Variants in LRRN4 observed in about 807,000 individuals in gnomAD.
LRRN4 encodes the protein leucine rich repeat neuronal 4.
LRRN4 carries 26 observed loss-of-function variants against 22.3 expected under a neutral mutation model. The ratio of observed to expected loss-of-function variants is 1.16; its 90% CI spans 0.85 to 1.62. LRRN4 has a LOEUF of 1.62. LRRN4 is among the 40% of genes most tolerant of loss of function. LRRN4 has a pLI of 0.00. For synonymous variants in LRRN4, 496 were observed against 486.2 expected, an observed-to-expected ratio of 1.02 and a Z score of -0.26; for missense variants, 1,070 against 1,008.5, an observed-to-expected ratio of 1.06 and a Z score of -0.83.
At chr20:6,042,425 G>T (rs1252850654) in intron 4 of LRRN4, among the ~76,000 whole-genome samples, 179 bp from the exon 5 acceptor site, 4 of 152,128 alleles carry the variant, frequency 2.6e-5, no homozygotes, top group Non-Finnish European at 4.4e-5. Context: ...GGAAACCTTT[G>T]GAGGAAGCTC....
At chr20:6,051,591 G>A (rs1261703276) in intron 2 of LRRN4, among the ~76,000 whole-genome samples, 1 of 152,126 alleles carries the variant, frequency 6.6e-6, no homozygotes, top group Non-Finnish European at 1.5e-5. Context: ...ACAGGAGACC[G>A]GTTATCCTCA....
At chr20:6,045,304 G>C (rs898774642) in intron 3 of LRRN4, among the ~76,000 whole-genome samples, 2 of 148,252 alleles carry the variant, frequency 1.3e-5, no homozygotes, top group Non-Finnish European at 3.0e-5. Context: ...CCGGGCGGTA[G>C]TGGTGCACCT....
At chr20:6,042,507 T>G (rs919224528) in intron 4 of LRRN4, among the ~76,000 whole-genome samples, 1 of 152,052 alleles carries the variant, frequency 6.6e-6, no homozygotes, top group Non-Finnish European at 1.5e-5. Context: ...CAAGACACCA[T>G]AGCTAGCAAT....
intron 3 of LRRN4, among the ~76,000 whole-genome samples, chr20:6,046,288 A>T (rs1243464442): frequency 6.7e-6 from 1 of 148,702 alleles, no homozygotes; most frequent in East Asian, 2.0e-4. Flanking sequence ...TGGGGAGCAG[A>T]ACTAGGCCTT....
In LRRN4 at chr20:6,041,669, C is replaced by T; in HGVS notation, c.1576G>A (p.Asp526Asn). 1.9e-6 allele frequency: 3 copies of T among 1,611,760 alleles called. No homozygotes were observed. The highest frequency in any genetic ancestry group is 1.1e-5 in the South Asian group (1 of 90,636). ...CTCCCTTCCTCCTCCTCACTGTAGTCGTCCAGCAGCAAGACTGGAATCTCG... is the reference window on the plus strand; with the variant it reads ...CTCCCTTCCTCCTCCTCACTGTAGTTGTCCAGCAGCAAGACTGGAATCTCG... ...EGEIPVLLLD[D>N]YSEEEEGRKE... The change falls in exon 5 of 5, where the codon GAC becomes AAC. Residue 526 changes from aspartate to asparagine, a missense_variant. Physicochemically the swap from Asp to Asn is conservative, Grantham distance 23. Transcript: ENST00000378858. The surrounding 1 kb of genome is among the most constrained non-coding windows in gnomAD (Gnocchi z 9.4).
rs765048126 is a variant in LRRN4 at position 6,041,540 on chromosome 20, G to A, written c.1705C>T (p.Arg569Trp). ...TCTTCCCCGCTGAGGCCGGGGCACCGGCACCGCCACCGCCTCTGCAGCTCC... is the reference window on the plus strand; with the variant it reads ...TCTTCCCCGCTGAGGCCGGGGCACCAGCACCGCCACCGCCTCTGCAGCTCC... ...CAELQRRWRCRCPGLSGEDTI... is the reference protein window; with the variant it reads ...CAELQRRWRCWCPGLSGEDTI... The change falls in exon 5 of 5, where the codon CGG becomes TGG. Residue 569 changes from arginine to tryptophan, a missense_variant. Transcript: ENST00000378858. The surrounding 1 kb of genome is among the most constrained non-coding windows in gnomAD (Gnocchi z 9.4). 7.5e-5 allele frequency: 116 copies of A among 1,550,716 alleles called. No individual in the cohort carries two copies. The highest frequency in any genetic ancestry group is 9.5e-5 in the Non-Finnish European group (109 of 1,147,648).
chr20:6,049,392 C>T (rs189393526), intron 3 of LRRN4, among the ~76,000 whole-genome samples: 3 of 152,326 alleles, frequency 2.0e-5, no homozygotes, highest in African/African-American at 4.8e-5. Flanking sequence ...ATGTTGTCAA[C>T]GTCACCATCA....
At chr20:6,042,314 C>G in intron 4 of LRRN4, 68 bp from the exon 5 acceptor site, 1 of 1,502,054 alleles carries the variant, frequency 6.7e-7, no homozygotes, top group Non-Finnish European at 8.9e-7. Context: ...AGCTTTGAAT[C>G]CTCATTGCCG....
chr20:6,045,627 G>A (rs939679549), intron 3 of LRRN4, among the ~76,000 whole-genome samples: 14 of 148,984 alleles, frequency 9.4e-5, no homozygotes, highest in African/African-American at 2.7e-4. Flanking sequence ...TCATTTAAGT[G>A]CATCAGTGAA....
intron 2 of LRRN4, 128 bp downstream of exon 2, chr20:6,052,017 T>C (rs1316652054): frequency 2.5e-6 from 3 of 1,184,220 alleles, no homozygotes; most frequent in South Asian, 1.6e-5. Context: ...TGGTGTCTTT[T>C]TGAACCCTCC....
At chr20:6,050,252 T>C (rs929510075) in intron 3 of LRRN4, among the ~76,000 whole-genome samples, 2 of 152,242 alleles carry the variant, frequency 1.3e-5, no homozygotes, top group African/African-American at 4.8e-5. Context: ...GAGTGAATGG[T>C]TCTGCCTTTG....
At position 6,052,187 on chromosome 20, in the gene LRRN4, T is replaced by C; in HGVS notation, c.613A>G (p.Thr205Ala). 6 of 1,598,010 alleles carry C rather than the reference T, an allele frequency of 3.8e-6. No individual in the cohort carries two copies. Among genetic ancestry groups the C allele is most frequent in the Non-Finnish European group, 4.3e-6 (5 of 1,173,342 alleles). The change falls in exon 2 of 5, where the codon ACG (threonine) becomes GCG (alanine). Residue 205 changes from threonine to alanine, a missense_variant. By Grantham distance (58) the Thr-to-Ala change is moderately conservative. Coordinates refer to ENST00000378858, the MANE Select transcript of LRRN4 (RefSeq NM_152611.5). The part of the protein sequence containing the change: ...FAGEDGAPLV[T>A]LEVLDLSGTF... ...CCGCTGAGATCCAGGACTTCGAGCG[T>C]GACCAGGGGCGCGCCATCCTCTCCA...
Position 6,041,486 on chromosome 20 carries a change from C to T in LRRN4, c.1759G>A (p.Gly587Arg). 6.4e-7 allele frequency: 1 copy of T among 1,558,834 alleles called. No homozygotes were observed. Among genetic ancestry groups the T allele is most frequent in the Non-Finnish European group, 8.7e-7 (1 of 1,151,842 alleles). The change falls in exon 5 of 5, where the codon GGG becomes AGG. Residue 587 changes from glycine to arginine, a missense_variant. Gly to Arg is a moderately radical substitution (Grantham distance 125, BLOSUM62 -2). Transcript: ENST00000378858. This position sits in a 1 kb window ranked among gnomAD's most constrained non-coding sequence, Gnocchi z 9.4. ...GACGTGTCCGTGGTCTCCGTCACCC[C>T]CTGCAGCCTGGGCGGGTCTGGGATG... ...DTIPDPPRLQGVTETTDTSAL... is the reference protein window; with the variant it reads ...DTIPDPPRLQRVTETTDTSAL...
chr20:6,044,645 TC>T lies in LRRN4; in HGVS notation c.895del (p.Asp299IlefsTer33). ...GTTGATCGATAGGACCTGGGAGGAA[TC>T]CAGGGTCCAAGGAGGGAAGGAACTC... The part of the protein sequence containing the change: ...NLSSFPPWTL[D>X]SSQVLSINLF... On this transcript the variant is annotated frameshift_variant, in exon 4 of 5. Transcript: ENST00000378858. LOFTEE classifies it high-confidence loss of function. The T allele has an allele frequency of 6.3e-7, 1 of 1,582,798 alleles. No individual in the cohort carries two copies. The highest frequency in any genetic ancestry group is 8.6e-7 in the Non-Finnish European group (1 of 1,165,498).
In LRRN4 at chr20:6,041,440, G is replaced by T. The variant is rs1469911793; in HGVS notation, c.1805C>A (p.Ala602Asp). Residue 602 changes from alanine to aspartate, a missense_variant, in exon 5 of 5, where the codon GCC becomes GAC. Coordinates refer to ENST00000378858, the MANE Select transcript of LRRN4 (RefSeq NM_152611.5). The surrounding 1 kb of genome is among the most constrained non-coding windows in gnomAD (Gnocchi z 9.4). ...GTACCCATGCACTACCGAGTTGGGG[G>T]CACACCAGTGGACCAGCGCCGACGT... ...TDTSALVHWC[A>D]PNSVVHGYQI... The T allele has an allele frequency of 1.3e-6, 2 of 1,555,010 alleles. No individual in the cohort carries two copies. The highest frequency in any genetic ancestry group is 2.5e-5 in the South Asian group (2 of 81,516).
At chr20:6,052,917 A>G in intron 1 of LRRN4, 113 bp from the exon 2 acceptor site, 1 of 1,131,242 alleles carries the variant, frequency 8.8e-7, no homozygotes, top group Non-Finnish European at 1.2e-6. Flanking sequence ...CAGGCGCTGG[A>G]TGTTCCCTGC....
rs376330064 is a variant in LRRN4, at chr20:6,044,506, C to G, written c.998+37G>C. ...AGAACTTCAGCTCCTGAAGGCTGAC[C>G]CTCTGCCCTCAGCCATCTGCTTTGT... On this transcript the variant is annotated intron_variant, in intron 4 of 4. Transcript: ENST00000378858. 4.0e-4 allele frequency: 568 copies of G among 1,433,218 alleles called. 2 individuals are homozygous for G. In the African/African-American group the frequency reaches 7.6e-3, roughly 19 times the overall value. 88.8% of individuals were successfully genotyped at this position (1,433,218 alleles called of 1,614,324 possible). A position where few individuals can be genotyped will look rare whatever the true frequency, so the allele number is the denominator to read the frequency against.
In LRRN4 at chr20:6,040,948, C is replaced by T; in HGVS notation, c.*74G>A. The stretch of plus-strand genomic sequence containing the variant: ...TAGAAACCCTAGGAGCGGATGGGGT[C>T]GTTTTTGACCGTCTGTGTCTTCCTT... On this transcript the variant is annotated 3_prime_UTR_variant, in exon 5 of 5. Transcript: ENST00000378858. 1 of 1,569,822 alleles carries T rather than the reference C, an allele frequency of 6.4e-7. No individual in the cohort carries two copies. The highest frequency in any genetic ancestry group is 8.7e-7 in the Non-Finnish European group (1 of 1,155,924).
chr20:6,048,293 A>C (rs1981158642), intron 3 of LRRN4, among the ~76,000 whole-genome samples: 1 of 152,062 alleles, frequency 6.6e-6, no homozygotes, highest in South Asian at 2.1e-4. Flanking sequence ...CCCGATGTTA[A>C]AAGTTGGGGT....
Sources: gnomAD v4.1 joint callset for allele counts (sites outside exome capture counted in the v4.1 genomes callset) on GRCh38, gnomAD v4.1.1 for gene constraint, Gnocchi (gnomAD v3.1) non-coding constraint, MANE v1.5 for transcripts, NCBI Gene and HGNC (gene_info 2026-07-23, HGNC 2026-07-21) for gene names.